Variants in DNAH8 observed in about 807,000 individuals in gnomAD.
The protein encoded by DNAH8 is dynein axonemal heavy chain 8, also known as axonemal beta dynein heavy chain 8.
A neutral mutation model predicts 562.1 loss-of-function variants in DNAH8; 382 were observed. That is an observed-to-expected ratio of 0.68 (90% CI 0.63 to 0.74). DNAH8 has a LOEUF of 0.74. DNAH8 is among the 30% of genes least tolerant of loss of function. The pLI, the probability that DNAH8 is intolerant of heterozygous loss-of-function variation, is 0.00. For synonymous variants in DNAH8, 1,881 were observed against 1,919.4 expected, an observed-to-expected ratio of 0.98 and a Z score of 0.52; for missense variants, 5,203 against 5,620.4, an observed-to-expected ratio of 0.93 and a Z score of 2.37.
intron 10 of DNAH8, 68 bp downstream of exon 10, chr6:38,756,147 C>A (rs1765889081): frequency 4.1e-6 from 4 of 982,912 alleles, no homozygotes; most frequent in Non-Finnish European, 6.5e-6. Flanking sequence ...CCTTCTGAGC[C>A]CTAGGAAGGG....
At chr6:38,893,100 G>T (rs1779447138) in intron 58 of DNAH8, among the ~76,000 whole-genome samples, 1 of 152,156 alleles carries the variant, frequency 6.6e-6, no homozygotes, top group Admixed American at 6.5e-5. Context: ...CCGCTTGATG[G>T]CAGCAGAGTT....
At chr6:38,788,467 A>G (rs1459952426) in intron 18 of DNAH8, among the ~76,000 whole-genome samples, 1 of 152,130 alleles carries the variant, frequency 6.6e-6, no homozygotes, top group African/African-American at 2.4e-5. Context: ...TGTCATTTTT[A>G]TGATAGCCCT....
chr6:38,762,590 G>A (rs892416719), intron 11 of DNAH8, among the ~76,000 whole-genome samples: 3 of 152,182 alleles, frequency 2.0e-5, no homozygotes, highest in Admixed American at 2.0e-4. Flanking sequence ...ATAAATGGAG[G>A]GTGGGGGGAA....
At chr6:38,855,853 C>T (rs1382848566) in intron 41 of DNAH8, among the ~76,000 whole-genome samples, 1 of 152,126 alleles carries the variant, frequency 6.6e-6, no homozygotes, top group Admixed American at 6.5e-5. Context: ...CACCTCCTGT[C>T]AGATCAACGG....
chr6:38,748,082 A>G (rs1161450831), intron 8 of DNAH8, among the ~76,000 whole-genome samples: 1 of 152,228 alleles, frequency 6.6e-6, no homozygotes, highest in East Asian at 1.9e-4. Flanking sequence ...TATTGCAAGC[A>G]ATGATTCAAA....
intron 31 of DNAH8, among the ~76,000 whole-genome samples, chr6:38,833,447 G>C (rs765473270): frequency 1.3e-5 from 2 of 151,850 alleles, no homozygotes; most frequent in Non-Finnish European, 2.9e-5. Context: ...TTAAAATGGA[G>C]ACCAGGTCTG....
chr6:38,834,286 T>A (rs1774093523), intron 31 of DNAH8, among the ~76,000 whole-genome samples: 1 of 152,194 alleles, frequency 6.6e-6, no homozygotes. Context: ...TAAAAATGAA[T>A]GGAAGATAGA....
At position 38,781,324 on chromosome 6, in the gene DNAH8, G is replaced by A. The variant is rs1768581764; in HGVS notation, c.2210G>A (p.Trp737Ter). The change falls in exon 16 of 93, where the codon TGG becomes TAG. Residue 737 changes from tryptophan (W) to a stop codon, truncating the protein, a stop_gained. Coordinates refer to ENST00000327475, the MANE Select transcript of DNAH8 (RefSeq NM_001206927.2). LOFTEE classifies it high-confidence loss of function. ...NMPPIAGKIL[W>*]VRQLYRRISE... ...CCCCCTATAGCAGGAAAAATACTCT[G>A]GGTGAGGCAGCTCTATCGCCGGATA... is the stretch of plus-strand genomic sequence containing the variant. The A allele has an allele frequency of 6.2e-7, 1 of 1,613,640 alleles. No individual in the cohort carries two copies. The highest frequency in any genetic ancestry group is 1.3e-5 in the African/African-American group (1 of 74,858).
chr6:38,915,142 T>A (rs745935254), intron 67 of DNAH8, 59 bp from the exon 68 acceptor site: 10 of 1,408,888 alleles, frequency 7.1e-6, no homozygotes, highest in Non-Finnish European at 9.7e-6. Context: ...ACTATTCAGA[T>A]CTATAAATTT....
In DNAH8 at chr6:39,012,305, A is replaced by C. The variant is rs10484847; in HGVS notation, c.13462A>C (p.Ile4488Leu). 12 of 1,613,006 alleles carry C rather than the reference A, an allele frequency of 7.4e-6. No individual in the cohort carries two copies. The highest frequency in any genetic ancestry group is 1.0e-5 in the Non-Finnish European group (12 of 1,179,204). ...TGACAGAATGCAAAGAGTCATTTCA[A>C]TACTCCGCAGTAGCCTGAGTGATCT... is the stretch of plus-strand genomic sequence containing the variant. ...EIDRMQRVIS[I>L]LRSSLSDLKL... The change falls in exon 90 of 93, where the codon ATA (isoleucine) becomes CTA (leucine). Residue 4488 changes from isoleucine to leucine, a missense_variant. Ile to Leu is a conservative substitution (Grantham distance 5). Transcript: ENST00000327475.
At chr6:38,746,181 G>A (rs72858262) in intron 8 of DNAH8, among the ~76,000 whole-genome samples, 3,573 of 152,086 alleles carry the variant, frequency 0.023, 54 homozygotes, top group Non-Finnish European at 0.036. Context: ...GTATTTGATC[G>A]TTTATTTTCA....
chr6:38,777,530 A>G (rs1225047775), intron 13 of DNAH8, among the ~76,000 whole-genome samples: 1 of 152,202 alleles, frequency 6.6e-6, no homozygotes, highest in African/African-American at 2.4e-5. Context: ...ATTTGCAAAG[A>G]ATGGTTCAGT....
intron 8 of DNAH8, among the ~76,000 whole-genome samples, chr6:38,745,876 G>C (rs1231102343): frequency 1.3e-5 from 2 of 152,190 alleles, no homozygotes; most frequent in Non-Finnish European, 2.9e-5. Context: ...CAGAGTTGAT[G>C]TGCTCTTCCC....
rs749508259 is a variant in DNAH8 at position 38,873,049 on chromosome 6, G to A, written c.7381G>A (p.Glu2461Lys). ...GGCCCCTAGTTGTAAGCTTCTGTTTGAAGTCCACAATATCGAGAACGCCTC... is the reference window on the plus strand; with the variant it reads ...GGCCCCTAGTTGTAAGCTTCTGTTTAAAGTCCACAATATCGAGAACGCCTC... Reference protein sequence around the residue: ...PMAPSCKLLFEVHNIENASPA... With the variant: ...PMAPSCKLLFKVHNIENASPA... The change falls in exon 51 of 93, where the codon GAA (glutamate) becomes AAA (lysine). Residue 2461 changes from glutamate to lysine, a missense_variant. Glu to Lys is a moderately conservative substitution (Grantham distance 56). Transcript: ENST00000327475. The A allele has an allele frequency of 1.2e-6, 2 of 1,614,074 alleles. No individual in the cohort carries two copies. Among genetic ancestry groups the A allele is most frequent in the Non-Finnish European group, 1.7e-6 (2 of 1,179,996 alleles).
chr6:39,015,392 A>G (rs1766493784), intron 91 of DNAH8, among the ~76,000 whole-genome samples: 1 of 152,242 alleles, frequency 6.6e-6, no homozygotes, highest in Non-Finnish European at 1.5e-5. Flanking sequence ...TTCACATGAT[A>G]TGGTTTGGCT....
At chr6:38,769,626 C>G (rs1203774439) in intron 11 of DNAH8, among the ~76,000 whole-genome samples, 2 of 152,180 alleles carry the variant, frequency 1.3e-5, no homozygotes, top group Non-Finnish European at 2.9e-5. Context: ...TGCTTATCCT[C>G]AGAACCTATC....
intron 43 of DNAH8, 71 bp downstream of exon 43, chr6:38,860,700 T>C (rs1776556774): frequency 1.5e-5 from 17 of 1,154,054 alleles, no homozygotes; most frequent in South Asian, 1.9e-5. Flanking sequence ...TAGTTGAATT[T>C]GAAATATTAA....
In DNAH8 at chr6:38,864,057, G is replaced by C. The variant is rs1338999745; in HGVS notation, c.6495G>C (p.Thr2165=). The part of the protein sequence containing the change: ...DLNPEFGIFL[T]MNPGYAGRQE... ...ATCCAGAATTTGGAATCTTCTTAACGATGGTGAGAAAAAAGGCTTTAAATG... is the reference window on the plus strand; with the variant it reads ...ATCCAGAATTTGGAATCTTCTTAACCATGGTGAGAAAAAAGGCTTTAAATG... Residue 2165 remains threonine, a synonymous_variant, in exon 45 of 93, where the codon ACG becomes ACC. Transcript: ENST00000327475. 8 of 1,602,464 alleles carry C rather than the reference G, an allele frequency of 5.0e-6. No homozygotes were observed. Among genetic ancestry groups the C allele is most frequent in the Non-Finnish European group, 5.9e-6 (7 of 1,177,342 alleles).
rs76273472 is a variant in DNAH8, at chr6:38,812,809, C to T, written c.3258-1245C>T. Among the ~76,000 whole-genome samples, 78 of 152,218 alleles carry T rather than the reference C, an allele frequency of 5.1e-4. 1 individual carries two copies. In the East Asian group the frequency reaches 0.014, roughly 28 times the overall value. On this transcript the variant is annotated intron_variant, in intron 24 of 92. Coordinates refer to ENST00000327475, the MANE Select transcript of DNAH8 (RefSeq NM_001206927.2). ...ATTTCCCATATCTACACAGTATTCA[C>T]GTGCCGTATCTAGGTAGTAAGCATC... is the stretch of plus-strand genomic sequence containing the variant.
Sources: allele counts gnomAD v4.1 joint callset (sites outside exome capture counted in the v4.1 genomes callset), GRCh38; gene constraint gnomAD v4.1.1; transcripts MANE v1.5; gene names NCBI Gene and HGNC (gene_info 2026-07-23, HGNC 2026-07-21).